TPRG1: variants seen among roughly 807,000 people sequenced by gnomAD.
TPRG1 encodes the protein tumor protein p63-regulated gene 1 protein.
Under a neutral mutation model 29.3 loss-of-function variants are expected in TPRG1, and 29 were observed. The ratio of observed to expected loss-of-function variants is 0.99; its 90% CI spans 0.74 to 1.35. TPRG1 has a LOEUF of 1.35. TPRG1 is among the 40% of genes most tolerant of loss of function. The pLI is 0.00. For missense variants in TPRG1, 327 were observed against 335.0 expected (o/e 0.98, Z 0.19); for synonymous variants, 130 against 116.8 (o/e 1.11, Z -0.73).
At chr3:189,215,479 T>A in intron 3 of TPRG1, 96 bp downstream of exon 3, 1 of 1,021,160 alleles carries the variant, frequency 9.8e-7, no homozygotes, top group Non-Finnish European at 1.5e-6. Flanking sequence ...GTAGAATTTC[T>A]CTGGTTGCTA....
At chr3:189,047,379 C>CT (rs1477869888) in intron 4 of TPRG1, among the ~76,000 whole-genome samples, 2 of 152,098 alleles carry the variant, frequency 1.3e-5, no homozygotes, top group East Asian at 3.9e-4. Flanking sequence ...ATTAAAAATA[C>CT]TTTATTGCTA....
At chr3:189,017,183 A>G (rs1039883557) in intron 3 of TPRG1, among the ~76,000 whole-genome samples, 1 of 146,716 alleles carries the variant, frequency 6.8e-6, no homozygotes, top group African/African-American at 2.5e-5. Context: ...TTTCAGAAAG[A>G]CAGTCTTTGA....
chr3:189,187,707 C>G (rs567450217), intron 1 of TPRG1, among the ~76,000 whole-genome samples: 1 of 152,316 alleles, frequency 6.6e-6, no homozygotes, highest in South Asian at 2.1e-4. Context: ...GCCACTCAAA[C>G]TCAGGTAGCT....
intron 1 of TPRG1, among the ~76,000 whole-genome samples, chr3:189,194,938 C>T (rs1267316356): frequency 6.6e-6 from 1 of 152,116 alleles, no homozygotes; most frequent in Non-Finnish European, 1.5e-5. Flanking sequence ...TAAGACACCA[C>T]TCTAGGGGGC....
intron 3 of TPRG1, among the ~76,000 whole-genome samples, chr3:189,022,618 A>T (rs1412426102): frequency 6.6e-6 from 1 of 152,086 alleles, no homozygotes; most frequent in East Asian, 1.9e-4. Flanking sequence ...TGCTGGGAGA[A>T]CTACTGCTCT....
At chr3:189,121,121 A>G (rs1721779877) in intron 1 of TPRG1, among the ~76,000 whole-genome samples, 1 of 152,198 alleles carries the variant, frequency 6.6e-6, no homozygotes, top group Admixed American at 6.5e-5. Flanking sequence ...CAATTATAGA[A>G]AGAGTTTAAT....
chr3:189,098,206 T>C (rs1718812672), upstream of TPRG1, among the ~76,000 whole-genome samples: 1 of 151,458 alleles, frequency 6.6e-6, no homozygotes, highest in Non-Finnish European at 1.5e-5. Flanking sequence ...AAACAATGTT[T>C]GAAGATAAAA....
At position 189,094,063 on chromosome 3, in the gene TPRG1, G is replaced by A. The variant is rs182977126; in HGVS notation, c.-462-32994G>A. Among the ~76,000 whole-genome samples the A allele has an allele frequency of 3.0e-3, 458 of 152,200 alleles. 3 individuals carry two copies. The highest frequency in any genetic ancestry group is 0.02 in the Middle Eastern group (6 of 294). Reference sequence around the variant, plus strand: ...TGAAAGATACAGCCTCCAAACACACGGAGTTTCTACCATGGGCCTTGCCCT... The same window carrying A: ...TGAAAGATACAGCCTCCAAACACACAGAGTTTCTACCATGGGCCTTGCCCT... On this transcript the variant is annotated intron_variant, in intron 4 of 10. Coordinates refer to the TPRG1 transcript ENST00000433971.
At chr3:189,081,124 G>C (rs1268517692) in intron 4 of TPRG1, among the ~76,000 whole-genome samples, 1 of 152,152 alleles carries the variant, frequency 6.6e-6, no homozygotes, top group Non-Finnish European at 1.5e-5. Context: ...ACGGGCTGGT[G>C]ACTGAAGATG....
intron 4 of TPRG1, among the ~76,000 whole-genome samples, chr3:189,265,642 G>C (rs544483523): frequency 1.3e-5 from 2 of 152,254 alleles, no homozygotes; most frequent in East Asian, 1.9e-4. Flanking sequence ...CAAGTTAAAG[G>C]CTAGCAGAAT....
intron 4 of TPRG1, among the ~76,000 whole-genome samples, chr3:189,062,973 G>A (rs929210381): frequency 1.4e-4 from 21 of 151,908 alleles, no homozygotes; most frequent in Non-Finnish European, 2.5e-4. Flanking sequence ...GAAAGAGATT[G>A]GTAGAGTGAA....
chr3:189,300,017 G>A (rs1157226818), intron 4 of TPRG1, among the ~76,000 whole-genome samples: 1 of 152,162 alleles, frequency 6.6e-6, no homozygotes. Flanking sequence ...TATGGAGCAA[G>A]GTAGAGAGCA....
intron 4 of TPRG1, among the ~76,000 whole-genome samples, chr3:189,239,218 GA>G (rs1464919753): frequency 2.0e-5 from 3 of 152,152 alleles, no homozygotes; most frequent in African/African-American, 7.2e-5. Context: ...GGCGGGAGGG[GA>G]AAGTCTCTTC....
intron 2 of TPRG1, among the ~76,000 whole-genome samples, chr3:189,128,064 T>G (rs1206771628): frequency 4.6e-5 from 7 of 152,212 alleles, no homozygotes; most frequent in African/African-American, 1.4e-4. Flanking sequence ...CTGCACAGTA[T>G]TTTTATCATT....
chr3:189,206,834 C>A (rs574633548), intron 1 of TPRG1, among the ~76,000 whole-genome samples: 2 of 58,438 alleles, frequency 3.4e-5, no homozygotes, highest in Admixed American at 3.0e-4. Context: ...TGTGTGCACG[C>A]GTGTATGCAT....
rs142288804 is a variant in TPRG1, at chr3:189,173,308, A to G, written c.-10+1177A>G. On this transcript the variant is annotated intron_variant, in intron 1 of 5. Coordinates refer to ENST00000345063, the MANE Select transcript of TPRG1 (RefSeq NM_198485.4). ...TGTAATGCTATATAATCTTTGGCAG[A>G]CTTCTATATATTCTTTTTCTTTCTT... Among the ~76,000 whole-genome samples, 12 of 149,006 alleles carry G rather than the reference A, an allele frequency of 8.1e-5. No homozygotes were observed. In the East Asian group the frequency reaches 2.4e-3, roughly 29 times the overall value.
chr3:189,020,064 G>A (rs563401635), intron 3 of TPRG1, among the ~76,000 whole-genome samples: 9 of 151,928 alleles, frequency 5.9e-5, no homozygotes, highest in Middle Eastern at 3.2e-3. Flanking sequence ...TATTTCTGTG[G>A]GATCGGTGGT....
At chr3:189,134,224 T>A (rs1204343187) in intron 3 of TPRG1, among the ~76,000 whole-genome samples, 1 of 152,044 alleles carries the variant, frequency 6.6e-6, no homozygotes, top group East Asian at 1.9e-4. Flanking sequence ...TGGGGCTTGG[T>A]TTCCTCATCT....
intron 3 of TPRG1, among the ~76,000 whole-genome samples, chr3:189,231,377 T>A (rs1042104120): frequency 6.6e-6 from 1 of 151,990 alleles, no homozygotes; most frequent in Admixed American, 6.6e-5. Flanking sequence ...AAAACTATTA[T>A]AGGCTTGAGG....
Sources: gnomAD v4.1 joint callset for allele counts (sites outside exome capture counted in the v4.1 genomes callset) on GRCh38, gnomAD v4.1.1 for gene constraint, MANE v1.5 for transcripts, NCBI Gene and HGNC (gene_info 2026-07-23, HGNC 2026-07-21) for gene names.